Variants in FAM117B observed in about 807,000 individuals in gnomAD.
FAM117B encodes protein FAM117B.
FAM117B carries 22 observed loss-of-function variants against 52.8 expected under a neutral mutation model. That is an observed-to-expected ratio of 0.42 (90% CI 0.30 to 0.59). The LOEUF (loss-of-function observed/expected upper bound fraction) is 0.59. Among genes scored for constraint, FAM117B ranks in the 20% least tolerant of loss-of-function variants. The probability of loss-of-function intolerance (pLI) is 0.22; values close to 1 mark genes in which losing one functional copy is unlikely to be tolerated. For missense variants in FAM117B, 678 were observed against 802.6 expected (o/e 0.84, Z 1.88); for synonymous variants, 309 against 324.1 (o/e 0.95, Z 0.50).
At chr2:202,747,477 A>G (rs1338266443) in intron 4 of FAM117B, among the ~76,000 whole-genome samples, 1 of 152,196 alleles carries the variant, frequency 6.6e-6, no homozygotes, top group African/African-American at 2.4e-5. Flanking sequence ...CAGAAAGTCA[A>G]ATTTTTCTTT....
intron 4 of FAM117B, among the ~76,000 whole-genome samples, chr2:202,734,321 A>G (rs925307683): frequency 3.3e-5 from 5 of 152,226 alleles, no homozygotes; most frequent in Non-Finnish European, 5.9e-5. Context: ...CAGGAGTTCA[A>G]GACCAGCCTG....
At chr2:202,760,266 A>G (rs1430743113) in intron 7 of FAM117B, among the ~76,000 whole-genome samples, 2 of 152,176 alleles carry the variant, frequency 1.3e-5, no homozygotes, top group Non-Finnish European at 2.9e-5. Flanking sequence ...TCATGTTTAC[A>G]TGTTGAATTT....
intron 3 of FAM117B, chr2:202,725,297 T>TTA: frequency 2.5e-5 from 4 of 159,572 alleles, no homozygotes; most frequent in East Asian, 1.4e-4. Flanking sequence ...TTCACATTTA[T>TTA]TCTTTTTTTT....
At chr2:202,673,990 C>A (rs147195826) in intron 1 of FAM117B, among the ~76,000 whole-genome samples, 1 of 152,200 alleles carries the variant, frequency 6.6e-6, no homozygotes, top group East Asian at 1.9e-4. Context: ...TCAAACTTCT[C>A]TTTCTTTTCA....
intron 4 of FAM117B, among the ~76,000 whole-genome samples, chr2:202,740,031 G>C (rs573258284): frequency 6.6e-5 from 10 of 151,586 alleles, no homozygotes; most frequent in Non-Finnish European, 1.2e-4. Flanking sequence ...AAATTAGCCA[G>C]GCGTGGTGGC....
intron 1 of FAM117B, among the ~76,000 whole-genome samples, chr2:202,672,154 T>G (rs1284459665): frequency 6.6e-6 from 1 of 152,166 alleles, no homozygotes; most frequent in East Asian, 1.9e-4. Flanking sequence ...AAAATCACAT[T>G]TATTCTTTTT....
At chr2:202,719,627 T>C (rs746423140) in intron 2 of FAM117B, among the ~76,000 whole-genome samples, 12 of 152,166 alleles carry the variant, frequency 7.9e-5, no homozygotes, top group Non-Finnish European at 1.8e-4. Context: ...AATAAACTTA[T>C]CAAATTCAGG....
At chr2:202,682,764 T>G (rs751745153) in intron 1 of FAM117B, among the ~76,000 whole-genome samples, 3 of 152,226 alleles carry the variant, frequency 2.0e-5, no homozygotes, top group Non-Finnish European at 4.4e-5. Flanking sequence ...TTGAAAAATC[T>G]CAAATATTTT....
intron 2 of FAM117B, among the ~76,000 whole-genome samples, chr2:202,701,923 A>G (rs1690799806): frequency 6.6e-6 from 1 of 152,232 alleles, no homozygotes; most frequent in Non-Finnish European, 1.5e-5. Flanking sequence ...TAAGAATATT[A>G]CATAAACTAA....
Position 202,687,474 on chromosome 2 carries a change from A to G in FAM117B, c.602-8407A>G, listed in dbSNP as rs1399970061. The stretch of plus-strand genomic sequence containing the variant: ...ACCAAGGCTGGAGTGCAGTGACTCA[A>G]TCATAGCTCACTCCGACCTTGACCT... On this transcript the variant is annotated intron_variant, in intron 1 of 7. Transcript: ENST00000392238. 2.6e-5 allele frequency among the ~76,000 whole-genome samples: 4 copies of G among 152,174 alleles called. No homozygotes were observed. The East Asian group carries it at 7.7e-4, about 29-fold the overall frequency.
At chr2:202,649,295 C>T (rs1162671355) in intron 1 of FAM117B, among the ~76,000 whole-genome samples, 1 of 152,084 alleles carries the variant, frequency 6.6e-6, no homozygotes, top group Non-Finnish European at 1.5e-5. Flanking sequence ...CCTTCCCTCT[C>T]TCTTTTCTGT....
At chr2:202,739,593 C>T (rs1691493101) in intron 4 of FAM117B, among the ~76,000 whole-genome samples, 1 of 151,896 alleles carries the variant, frequency 6.6e-6, no homozygotes, top group African/African-American at 2.4e-5. Context: ...GAAGCTGGGA[C>T]CACAGGCGTG....
chr2:202,757,748 G>A (rs1248379313), intron 6 of FAM117B, among the ~76,000 whole-genome samples: 1 of 152,132 alleles, frequency 6.6e-6, no homozygotes, highest in African/African-American at 2.4e-5. Flanking sequence ...AAAGCACTTT[G>A]GTCTCTGTCA....
intron 1 of FAM117B, among the ~76,000 whole-genome samples, chr2:202,646,192 A>T (rs1689860303): frequency 6.7e-6 from 1 of 148,772 alleles, no homozygotes; most frequent in African/African-American, 2.5e-5. Flanking sequence ...ACACCTGGCT[A>T]ATTTTGGTGG....
intron 4 of FAM117B, among the ~76,000 whole-genome samples, chr2:202,751,858 A>G (rs1276524103): frequency 6.6e-6 from 1 of 151,922 alleles, no homozygotes; most frequent in South Asian, 2.1e-4. Context: ...GCTCAAAAAT[A>G]TAAGTTGAAT....
rs906718793 is a variant in FAM117B, at chr2:202,765,875, G to C, written c.*111G>C. 4 of 1,136,496 alleles carry C rather than the reference G, an allele frequency of 3.5e-6. No individual in the cohort carries two copies. The highest frequency in any genetic ancestry group is 4.9e-6 in the Non-Finnish European group (4 of 810,342). 70.4% of individuals were successfully genotyped at this position (1,136,496 alleles called of 1,614,324 possible). A position where few individuals can be genotyped will look rare whatever the true frequency, so the allele number is the denominator to read the frequency against. Reference sequence around the variant, plus strand: ...GGCTGTGATGTGCTCCAGCTTTCCAGTGACATGTGACGGCGAGGCTTCTGG... The same window carrying C: ...GGCTGTGATGTGCTCCAGCTTTCCACTGACATGTGACGGCGAGGCTTCTGG... On this transcript the variant is annotated 3_prime_UTR_variant, in exon 8 of 8. Coordinates refer to ENST00000392238, the MANE Select transcript of FAM117B (RefSeq NM_173511.4).
At chr2:202,642,202 C>T (rs1049283480) in intron 1 of FAM117B, among the ~76,000 whole-genome samples, 1 of 150,566 alleles carries the variant, frequency 6.6e-6, no homozygotes, top group Non-Finnish European at 1.5e-5. Flanking sequence ...ATCTGTCCGC[C>T]TCGGCCTCCC....
At chr2:202,684,989 A>AT (rs1690517749) in intron 1 of FAM117B, among the ~76,000 whole-genome samples, 1 of 151,412 alleles carries the variant, frequency 6.6e-6, no homozygotes, top group African/African-American at 2.4e-5. Context: ...TCTCAAAAAA[A>AT]ATTTTTTTTT....
At chr2:202,659,563 G>C (rs1028014606) in intron 1 of FAM117B, among the ~76,000 whole-genome samples, 1 of 145,294 alleles carries the variant, frequency 6.9e-6, no homozygotes, top group Non-Finnish European at 1.5e-5. Context: ...CACCCCCCTT[G>C]GTCTCCCATA....
Sources: gnomAD v4.1 joint callset for allele counts (sites outside exome capture counted in the v4.1 genomes callset) on GRCh38, gnomAD v4.1.1 for gene constraint, MANE v1.5 for transcripts, NCBI Gene and HGNC (gene_info 2026-07-23, HGNC 2026-07-21) for gene names.